Variants in CTDSPL2 observed in about 807,000 individuals in gnomAD.
The protein encoded by CTDSPL2 is CTD small phosphatase like 2, also known as CTD small phosphatase-like protein 2.
In CTDSPL2, 5 loss-of-function variants were observed where a neutral mutation model predicts 60.0. The observed-to-expected ratio is 0.08, with a 90% confidence interval of 0.04 to 0.18. The LOEUF is 0.18. Ranked by LOEUF, CTDSPL2 falls within the 10% of genes least tolerant of loss-of-function variation. The pLI is 1.00. For missense variants in CTDSPL2, 370 were observed against 548.8 expected, an observed-to-expected ratio of 0.67 and a Z score of 3.26; for synonymous variants, 186 against 189.3, an observed-to-expected ratio of 0.98 and a Z score of 0.14.
intron 1 of CTDSPL2, among the ~76,000 whole-genome samples, chr15:44,451,538 C>A (rs2080334628): frequency 6.6e-6 from 1 of 152,118 alleles, no homozygotes; most frequent in African/African-American, 2.4e-5. Flanking sequence ...TTACATATAT[C>A]TCTCACTGGA....
intron 2 of CTDSPL2, among the ~76,000 whole-genome samples, chr15:44,473,097 A>G (rs1350772814): frequency 1.3e-5 from 2 of 151,624 alleles, no homozygotes; most frequent in East Asian, 2.0e-4. Flanking sequence ...ACACCCAGCC[A>G]TGAGTTCTTG....
intron 1 of CTDSPL2, among the ~76,000 whole-genome samples, chr15:44,438,826 C>G (rs1172901449): frequency 6.6e-6 from 1 of 152,148 alleles, no homozygotes; most frequent in Admixed American, 6.5e-5. Flanking sequence ...AACCCACTAC[C>G]TCTTTAATCC....
rs1044936861 is a variant in CTDSPL2 at position 44,527,305 on chromosome 15, T to A, written c.*3131T>A. 2.0e-5 allele frequency: 3 copies of A among 152,486 alleles called. No individual in the cohort carries two copies. The highest frequency in any genetic ancestry group is 4.4e-5 in the Non-Finnish European group (3 of 67,974). The allele number at this position is 152,486 out of a possible 1,614,324, so 9.4% of individuals were successfully genotyped here. A position where few individuals can be genotyped will look rare whatever the true frequency, so the allele number is the denominator to read the frequency against. Reference sequence around the variant, plus strand: ...TTTTTTTCCAAGGGTTAACATAGAATGTTTTTTTTAAAAAATTATCTTTGG... The same window carrying A: ...TTTTTTTCCAAGGGTTAACATAGAAAGTTTTTTTTAAAAAATTATCTTTGG... On this transcript the variant is annotated 3_prime_UTR_variant, in exon 13 of 13. Coordinates refer to ENST00000260327, the MANE Select transcript of CTDSPL2 (RefSeq NM_016396.3).
intron 8 of CTDSPL2, among the ~76,000 whole-genome samples, chr15:44,509,274 T>A (rs1484885665): frequency 1.3e-5 from 2 of 152,138 alleles, no homozygotes; most frequent in Non-Finnish European, 2.9e-5. Flanking sequence ...TGATCTCAGC[T>A]CAGTGCAACC....
In CTDSPL2 at chr15:44,524,184, C is replaced by T. The variant is rs770956735; in HGVS notation, c.*10C>T. On this transcript the variant is annotated 3_prime_UTR_variant, in exon 13 of 13. Transcript: ENST00000260327. ...GCTGCCCCCAGATTAAGTACAAAGA[C>T]TTGTCAAATCACTGAAGGGGGAGAG... is the stretch of plus-strand genomic sequence containing the variant. 1.9e-6 allele frequency: 3 copies of T among 1,604,250 alleles called. 1 individual carries two copies. In the East Asian group the frequency reaches 6.7e-5, roughly 36 times the overall value.
At position 44,526,669 on chromosome 15, in the gene CTDSPL2, T is replaced by G. The variant is rs2081879552; in HGVS notation, c.*2495T>G. On this transcript the variant is annotated 3_prime_UTR_variant, in exon 13 of 13. Transcript: ENST00000260327. ...ACAATTTATCCAGCTTCCTTCTACC[T>G]TAATACAATGTTTTGTCTTCCCATT... 6.6e-6 allele frequency: 1 copy of G among 152,202 alleles called. No individual in the cohort carries two copies. The highest frequency in any genetic ancestry group is 2.1e-4 in the South Asian group (1 of 4,838). 9.4% of individuals were successfully genotyped at this position (152,202 alleles called of 1,614,324 possible). A position where few individuals can be genotyped will look rare whatever the true frequency, so the allele number is the denominator to read the frequency against.
intron 12 of CTDSPL2, 66 bp from the exon 13 acceptor site, chr15:44,524,041 ATG>A: frequency 8.3e-7 from 1 of 1,205,354 alleles, no homozygotes; most frequent in Non-Finnish European, 1.2e-6. Flanking sequence ...CAAGGTAAGA[ATG>A]TATGTTATGA....
At chr15:44,428,721 A>G (rs1205860283) in intron 1 of CTDSPL2, among the ~76,000 whole-genome samples, 2 of 152,214 alleles carry the variant, frequency 1.3e-5, no homozygotes, top group African/African-American at 4.8e-5. Flanking sequence ...TAGTGACTTG[A>G]AATGATGGAT....
intron 2 of CTDSPL2, among the ~76,000 whole-genome samples, chr15:44,471,678 G>T (rs1187657047): frequency 6.6e-6 from 1 of 152,048 alleles, no homozygotes; most frequent in Non-Finnish European, 1.5e-5. Context: ...TATAAATTCA[G>T]TAGCTTTTAG....
At chr15:44,436,004 A>G (rs1000058535) in intron 1 of CTDSPL2, among the ~76,000 whole-genome samples, 99 of 152,154 alleles carry the variant, frequency 6.5e-4, no homozygotes, top group Admixed American at 3.2e-3. Context: ...TTTTTCCCCA[A>G]GTCCTCCTCC....
At chr15:44,522,913 C>G (rs1029775695) in intron 12 of CTDSPL2, among the ~76,000 whole-genome samples, 1 of 152,118 alleles carries the variant, frequency 6.6e-6, no homozygotes, top group Non-Finnish European at 1.5e-5. Context: ...AAGTAGAATT[C>G]CCTTTTACCT....
chr15:44,460,054 T>G (rs1316574859), intron 2 of CTDSPL2, among the ~76,000 whole-genome samples: 2 of 152,112 alleles, frequency 1.3e-5, no homozygotes. Flanking sequence ...TATCTCAGAG[T>G]TGTTTTCAGA....
intron 4 of CTDSPL2, among the ~76,000 whole-genome samples, chr15:44,489,185 T>G (rs1175199261): frequency 4.3e-5 from 6 of 138,572 alleles, no homozygotes; most frequent in Non-Finnish European, 7.8e-5. Context: ...CCTGTCTCTG[T>G]GTCTCTGTTT....
chr15:44,520,453 T>C (rs1453817286), intron 11 of CTDSPL2: 1 of 152,082 alleles, frequency 6.6e-6, no homozygotes, highest in African/African-American at 2.4e-5. Context: ...CCCAGCCCCA[T>C]GTGATAGGAT....
At chr15:44,439,138 A>ATTG (rs1331831533) in intron 1 of CTDSPL2, among the ~76,000 whole-genome samples, 45 of 149,270 alleles carry the variant, frequency 3.0e-4, no homozygotes, top group African/African-American at 1.1e-3. Context: ...TATTATTATT[A>ATTG]TTATTGTTAT....
intron 2 of CTDSPL2, among the ~76,000 whole-genome samples, chr15:44,472,175 A>G (rs956605437): frequency 6.6e-6 from 1 of 152,178 alleles, no homozygotes; most frequent in African/African-American, 2.4e-5. Context: ...ACATTTTTGT[A>G]TGGACATCTG....
intron 7 of CTDSPL2, among the ~76,000 whole-genome samples, chr15:44,497,772 C>T (rs28661212): frequency 0.02 from 2,993 of 151,986 alleles, 45 homozygotes; most frequent in Middle Eastern, 0.068. Flanking sequence ...AACTTTTGGC[C>T]GATCACTTGA....
At chr15:44,492,660 G>T (rs866792690) in intron 5 of CTDSPL2, among the ~76,000 whole-genome samples, 1 of 152,134 alleles carries the variant, frequency 6.6e-6, no homozygotes, top group Admixed American at 6.5e-5. Flanking sequence ...TAATACCAAC[G>T]TGAAGAGACA....
At chr15:44,431,630 G>A (rs2079858445) in intron 1 of CTDSPL2, among the ~76,000 whole-genome samples, 2 of 151,836 alleles carry the variant, frequency 1.3e-5, no homozygotes, top group Admixed American at 1.3e-4. Flanking sequence ...TATCAAATAA[G>A]CTTATTGGTA....
Sources: gnomAD v4.1 joint callset for allele counts (sites outside exome capture counted in the v4.1 genomes callset) on GRCh38, gnomAD v4.1.1 for gene constraint, MANE v1.5 for transcripts, NCBI Gene and HGNC (gene_info 2026-07-23, HGNC 2026-07-21) for gene names.